The following SPACA6 variants were observed in gnomAD, a reference collection of about 807,000 sequenced individuals.
SPACA6 encodes sperm acrosome membrane-associated protein 6.
For missense variants in SPACA6, 8 were observed against 2.8 expected (o/e 2.88, Z -1.34); for synonymous variants, 6 against 1.5 (o/e 4.05, Z -2.21).
upstream of SPACA6, chr19:51,692,660 C>T (rs370401647): frequency 1.9e-6 from 1 of 532,504 alleles, no homozygotes; most frequent in Non-Finnish European, 3.9e-6. This position sits in a 1 kb window ranked among gnomAD's most constrained non-coding sequence, Gnocchi z 5.6. Context: ...CGCACACAAG[C>T]TCGTGTCTGT....
At chr19:51,688,670 G>C (rs1436520624), upstream of SPACA6, among the ~76,000 whole-genome samples, 4 of 152,056 alleles carry the variant, frequency 2.6e-5, no homozygotes, top group Non-Finnish European at 5.9e-5. Context: ...AAGCGAGAGA[G>C]AGGAAGAACA....
At chr19:51,705,286 C>A (rs2083510135), downstream of SPACA6, 4 of 393,852 alleles carry the variant, frequency 1.0e-5, no homozygotes, top group African/African-American at 8.2e-5. Context: ...CGCATAATGA[C>A]AGTGATAGGC....
At chr19:51,709,854 G>A (rs895095613), downstream of SPACA6, among the ~76,000 whole-genome samples, 4 of 152,164 alleles carry the variant, frequency 2.6e-5, no homozygotes, top group Non-Finnish European at 4.4e-5. Context: ...TAGAATCAGT[G>A]GGATTTGCTG....
At chr19:51,688,104 C>T (rs72626247), upstream of SPACA6, 28,063 of 152,498 alleles carry the variant, frequency 0.18, 3,784 homozygotes, top group East Asian at 0.73. Flanking sequence ...CCAGGGCTCC[C>T]TGTCACCCTC....
downstream of SPACA6, among the ~76,000 whole-genome samples, chr19:51,708,837 G>A (rs2083528564): frequency 1.3e-5 from 2 of 151,404 alleles, no homozygotes; most frequent in African/African-American, 2.4e-5. Context: ...TCCGGCCTGG[G>A]CAACAGAGTG....
At chr19:51,704,600 C>G (rs954267386) in intron 8 of SPACA6, 120 bp downstream of exon 8, 5 of 399,588 alleles carry the variant, frequency 1.3e-5, no homozygotes, top group African/African-American at 2.1e-5. Context: ...TTCCTCCTCT[C>G]TCAGACCCAC....
At chr19:51,698,485 CAT>C (rs1203010486) in intron 2 of SPACA6, among the ~76,000 whole-genome samples, 1 of 152,144 alleles carries the variant, frequency 6.6e-6, no homozygotes, top group African/African-American at 2.4e-5. Flanking sequence ...TGATTTGGCA[CAT>C]AGAAATTCTT....
Position 51,704,280 on chromosome 19 carries a change from G to C in SPACA6, c.741G>C (p.Pro247=). ...TGCGCGCCCCCGCAGTGACGGGCCC[G>C]CCCCCGCGGGCGGAGACAGAGTTGC... The part of the protein sequence containing the change: ...RLYFFLNVTG[P]PPRAETELQA... Residue 247 remains proline (P), a synonymous_variant, in exon 8 of 9, where the codon CCG becomes CCC. Transcript: ENST00000637797. The C allele has an allele frequency of 2.5e-6, 1 of 400,626 alleles. No individual in the cohort carries two copies. The allele number at this position is 400,626 out of a possible 1,614,324, so 24.8% of individuals were successfully genotyped here.
At chr19:51,696,313 C>T (rs778299222) in intron 2 of SPACA6, among the ~76,000 whole-genome samples, 2 of 152,138 alleles carry the variant, frequency 1.3e-5, no homozygotes, top group East Asian at 3.9e-4. Context: ...CACCTGTCCT[C>T]GGGTTGCTTA....
At chr19:51,701,823 A>G in intron 3 of SPACA6, 97 bp downstream of exon 3, 1 of 388,224 alleles carries the variant, frequency 2.6e-6, no homozygotes, top group Non-Finnish European at 4.6e-6. Context: ...CTGTAATCCC[A>G]GCACTTTGGA....
chr19:51,708,161 C>T (rs900281086), downstream of SPACA6, among the ~76,000 whole-genome samples: 1 of 152,108 alleles, frequency 6.6e-6, no homozygotes, highest in Non-Finnish European at 1.5e-5. Flanking sequence ...CAGCGCTCTT[C>T]CAGGAGACCA....
upstream of SPACA6, among the ~76,000 whole-genome samples, chr19:51,691,604 G>A (rs77801261): frequency 0.043 from 6,517 of 152,030 alleles, 138 homozygotes; most frequent in Middle Eastern, 0.092. Flanking sequence ...AGCCAGGGAG[G>A]GATGTCCTGA....
At position 51,701,115 on chromosome 19, in the gene SPACA6, G is replaced by A. The variant is rs148131351; in HGVS notation, c.293-543G>A. 7.2e-3 allele frequency among the ~76,000 whole-genome samples: 1,099 copies of A among 152,202 alleles called. 8 individuals carry two copies. The highest frequency in any genetic ancestry group is 0.02 in the South Asian group (97 of 4,820). Reference sequence around the variant, plus strand: ...TGCACACCTGCAGTCCCTGCTACTCGGGAGGCTAGGGCAGGAGAATCACTT... The same window carrying A: ...TGCACACCTGCAGTCCCTGCTACTCAGGAGGCTAGGGCAGGAGAATCACTT... On this transcript the variant is annotated intron_variant, in intron 2 of 8. Coordinates refer to ENST00000637797, the MANE Select transcript of SPACA6 (RefSeq NM_001316972.2).
chr19:51,699,535 G>T (rs980425793), intron 2 of SPACA6, among the ~76,000 whole-genome samples: 3 of 152,228 alleles, frequency 2.0e-5, no homozygotes. Context: ...TCGAACAACA[G>T]AAGTTTCTGC....
chr19:51,694,867 GT>G (rs2083414914), intron 2 of SPACA6, among the ~76,000 whole-genome samples: 1 of 152,112 alleles, frequency 6.6e-6, no homozygotes, highest in South Asian at 2.1e-4. Context: ...TGGCTATGAA[GT>G]TCTGGGTGTG....
chr19:51,706,663 G>A (rs1293678347), downstream of SPACA6, among the ~76,000 whole-genome samples: 1 of 150,952 alleles, frequency 6.6e-6, no homozygotes, highest in African/African-American at 2.4e-5. Flanking sequence ...TGGACCTAAT[G>A]TTAACTCTTT....
chr19:51,695,419 C>T (rs2083422520), intron 2 of SPACA6, among the ~76,000 whole-genome samples: 1 of 152,208 alleles, frequency 6.6e-6, no homozygotes, highest in African/African-American at 2.4e-5. Context: ...AACTGGCTTC[C>T]TCTTAGGTCC....
intron 2 of SPACA6, among the ~76,000 whole-genome samples, 184 bp downstream of exon 2, chr19:51,694,739 G>T (rs1214051893): frequency 6.6e-6 from 1 of 152,168 alleles, no homozygotes; most frequent in Non-Finnish European, 1.5e-5. Flanking sequence ...AGCTCTAAGA[G>T]CCAGGGGCTG....
chr19:51,700,791 G>T (rs2083462926), intron 2 of SPACA6, among the ~76,000 whole-genome samples: 1 of 152,186 alleles, frequency 6.6e-6, no homozygotes, highest in African/African-American at 2.4e-5. Context: ...TGAAATGATT[G>T]CGATGAGAGA....
Sources: gnomAD v4.1 joint callset for allele counts (sites outside exome capture counted in the v4.1 genomes callset) on GRCh38, gnomAD v4.1.1 for gene constraint, Gnocchi (gnomAD v3.1) non-coding constraint, MANE v1.5 for transcripts, NCBI Gene and HGNC (gene_info 2026-07-23, HGNC 2026-07-21) for gene names.